Variants in RFX4 observed in about 807,000 individuals in gnomAD.
RFX4 encodes regulatory factor X4, also known as transcription factor RFX4.
Under a neutral mutation model 95.0 loss-of-function variants are expected in RFX4, and 10 were observed. The observed-to-expected ratio is 0.11, with a 90% CI of 0.06 to 0.18. The LOEUF (loss-of-function observed/expected upper bound fraction) is 0.18, where lower values mean the gene tolerates loss of function less well. Among genes scored for constraint, RFX4 ranks in the 10% least tolerant of loss-of-function variants. The pLI is 1.00. For synonymous variants in RFX4, 321 were observed against 340.7 expected, an observed-to-expected ratio of 0.94 and a Z score of 0.64; for missense variants, 640 against 922.0, an observed-to-expected ratio of 0.69 and a Z score of 3.96.
At chr12:106,646,374 C>T (rs1029414505) in intron 3 of RFX4, among the ~76,000 whole-genome samples, 1 of 130,496 alleles carries the variant, frequency 7.7e-6, no homozygotes, top group Admixed American at 9.3e-5. Flanking sequence ...CCAAAAGAAG[C>T]ATTCGGAACC....
chr12:106,665,833 T>C (rs780286992), intron 4 of RFX4, among the ~76,000 whole-genome samples: 10 of 151,998 alleles, frequency 6.6e-5, no homozygotes, highest in Non-Finnish European at 1.3e-4. Context: ...CACATACTTA[T>C]GTATGTGTTT....
At chr12:106,656,423 T>G (rs959082627) in intron 4 of RFX4, among the ~76,000 whole-genome samples, 4 of 152,154 alleles carry the variant, frequency 2.6e-5, no homozygotes, top group African/African-American at 7.2e-5. Context: ...AGGAGGAAAC[T>G]CAGTACCCAC....
chr12:106,737,007 C>T (rs2042720676), intron 15 of RFX4, among the ~76,000 whole-genome samples: 1 of 151,934 alleles, frequency 6.6e-6, no homozygotes, highest in Non-Finnish European at 1.5e-5. Flanking sequence ...CTTGGGCTAG[C>T]CTCCTTCTAC....
chr12:106,695,934 T>C (rs1194027808), intron 7 of RFX4, among the ~76,000 whole-genome samples: 2 of 152,180 alleles, frequency 1.3e-5, no homozygotes, highest in Admixed American at 6.5e-5. Flanking sequence ...CCGACCTTTT[T>C]AAAAACAATG....
intron 4 of RFX4, among the ~76,000 whole-genome samples, chr12:106,658,598 A>AGGGTTG (rs1388007913): frequency 1.3e-5 from 2 of 152,130 alleles, no homozygotes; most frequent in Non-Finnish European, 2.9e-5. Flanking sequence ...TGGCTCCTCC[A>AGGGTTG]GGGTTGGGGT....
At chr12:106,722,720 AT>A (rs1251941100) in intron 13 of RFX4, among the ~76,000 whole-genome samples, 1 of 152,198 alleles carries the variant, frequency 6.6e-6, no homozygotes, top group Non-Finnish European at 1.5e-5. Flanking sequence ...CTCCAAGTCC[AT>A]TTAGCAAACT....
At chr12:106,591,408 C>T (rs1330516577) in intron 1 of RFX4, among the ~76,000 whole-genome samples, 1 of 151,548 alleles carries the variant, frequency 6.6e-6, no homozygotes, top group Non-Finnish European at 1.5e-5. Context: ...GCTGAGATTA[C>T]AGGTGCCCGC....
At chr12:106,592,525 C>G (rs1439240574) in intron 1 of RFX4, among the ~76,000 whole-genome samples, 2 of 152,130 alleles carry the variant, frequency 1.3e-5, no homozygotes, top group Non-Finnish European at 2.9e-5. Context: ...GTTGCACAAC[C>G]CTGATCGAGG....
At chr12:106,755,655 T>G (rs866845122) in intron 17 of RFX4, among the ~76,000 whole-genome samples, 2 of 152,156 alleles carry the variant, frequency 1.3e-5, no homozygotes, top group Non-Finnish European at 1.5e-5. Context: ...CGTTTATTGG[T>G]TCTTTGGTTT....
intron 13 of RFX4, among the ~76,000 whole-genome samples, chr12:106,726,519 C>A (rs932959180): frequency 2.0e-5 from 3 of 152,096 alleles, no homozygotes; most frequent in Admixed American, 6.5e-5. Flanking sequence ...CCAATGAAGT[C>A]AAAAATTACT....
At chr12:106,663,600 G>A (rs1237963874) in intron 4 of RFX4, among the ~76,000 whole-genome samples, 1 of 151,902 alleles carries the variant, frequency 6.6e-6, no homozygotes, top group African/African-American at 2.4e-5. Flanking sequence ...GAAAAGGAGT[G>A]GTGAGAGGAG....
intron 11 of RFX4, among the ~76,000 whole-genome samples, chr12:106,717,860 T>C (rs371980829): frequency 2.6e-5 from 4 of 152,194 alleles, no homozygotes; most frequent in African/African-American, 9.6e-5. Flanking sequence ...GGGAAGTCCC[T>C]GACACACAGG....
At chr12:106,610,913 G>A (rs138876153) in intron 2 of RFX4, among the ~76,000 whole-genome samples, 129 of 151,826 alleles carry the variant, frequency 8.5e-4, no homozygotes, top group African/African-American at 2.1e-3. Context: ...TAGTGGCTGC[G>A]TCATTTTACA....
chr12:106,676,355 G>A (rs886232009), intron 4 of RFX4, among the ~76,000 whole-genome samples: 2 of 152,160 alleles, frequency 1.3e-5, no homozygotes, highest in East Asian at 1.9e-4. Context: ...ACAGAACCTC[G>A]AGTTCATGGA....
chr12:106,593,237 C>T (rs1043046356), intron 1 of RFX4, among the ~76,000 whole-genome samples: 2 of 152,184 alleles, frequency 1.3e-5, no homozygotes, highest in Admixed American at 6.5e-5. Flanking sequence ...AATGAGAAAG[C>T]CTTTGAAAAG....
chr12:106,639,674 G>C (rs1278409635), intron 3 of RFX4, among the ~76,000 whole-genome samples: 1 of 152,170 alleles, frequency 6.6e-6, no homozygotes, highest in Non-Finnish European at 1.5e-5. Flanking sequence ...GATTTTAATA[G>C]AATCCATTAT....
intron 15 of RFX4, chr12:106,733,346 A>G: frequency 3.0e-6 from 1 of 338,658 alleles, no homozygotes; most frequent in South Asian, 6.6e-5. Flanking sequence ...GCTTTCTGGA[A>G]AAACATTCTT....
chr12:106,729,238 T>A (rs2137552949), intron 13 of RFX4, among the ~76,000 whole-genome samples: 1 of 152,348 alleles, frequency 6.6e-6, no homozygotes, highest in East Asian at 1.9e-4. Flanking sequence ...TTTCTATCCA[T>A]GTTGACTTTA....
rs759809931 is a variant in RFX4 at position 106,720,920 on chromosome 12, C to T, written c.1351+44C>T. 2 of 1,557,764 alleles carry T rather than the reference C, an allele frequency of 1.3e-6. No individual in the cohort carries two copies. Among genetic ancestry groups the T allele is most frequent in the Non-Finnish European group, 8.8e-7 (1 of 1,130,370 alleles). On this transcript the variant is annotated intron_variant, in intron 13 of 17. Transcript: ENST00000392842. The surrounding 1 kb of genome is among the most constrained non-coding windows in gnomAD (Gnocchi z 4.2). The stretch of plus-strand genomic sequence containing the variant: ...TCCCCATCTCCAAGCACTTTTTCCT[C>T]TGGGCACGGAGCCCAGAGGAATCTA...
Sources: gnomAD v4.1 joint callset for allele counts (sites outside exome capture counted in the v4.1 genomes callset) on GRCh38, gnomAD v4.1.1 for gene constraint, Gnocchi (gnomAD v3.1) non-coding constraint, MANE v1.5 for transcripts, NCBI Gene and HGNC (gene_info 2026-07-23, HGNC 2026-07-21) for gene names.